Variants in SLCO6A1 observed in about 807,000 individuals in gnomAD.
SLCO6A1 encodes the protein solute carrier organic anion transporter family member 6A1.
A neutral mutation model predicts 72.7 loss-of-function variants in SLCO6A1; 65 were observed. That is an observed-to-expected ratio of 0.89 (90% CI 0.73 to 1.10). The LOEUF is 1.10. SLCO6A1 is among the 50% of genes least tolerant of loss of function. SLCO6A1 has a pLI of 0.00. For missense variants in SLCO6A1, 874 were observed against 872.6 expected (o/e 1.00, Z -0.02); for synonymous variants, 314 against 298.2 (o/e 1.05, Z -0.55).
intron 1 of SLCO6A1, among the ~76,000 whole-genome samples, chr5:102,495,205 A>G (rs1181148250): frequency 1.3e-5 from 2 of 152,238 alleles, no homozygotes; most frequent in East Asian, 3.8e-4. Context: ...CTAATGACAG[A>G]AAGTAGGTCA....
rs187762433 is a variant in SLCO6A1, at chr5:102,413,517, G to A, written c.1473-374C>T. 2.1e-3 allele frequency among the ~76,000 whole-genome samples: 316 copies of A among 152,092 alleles called. 3 individuals carry two copies. The highest frequency in any genetic ancestry group is 7.2e-3 in the African/African-American group (300 of 41,496). ...CTATTCACTTGTTTGAATTTCCTAA[G>A]TGTTTATGAAATAGAATCATAGAAT... is the stretch of plus-strand genomic sequence containing the variant. On this transcript the variant is annotated intron_variant, in intron 8 of 13. Transcript: ENST00000506729.
intron 9 of SLCO6A1, among the ~76,000 whole-genome samples, chr5:102,407,601 A>G (rs1747741371): frequency 6.6e-6 from 1 of 152,204 alleles, no homozygotes; most frequent in Non-Finnish European, 1.5e-5. Flanking sequence ...GCTATCTTGG[A>G]TAAACCTCAT....
intron 7 of SLCO6A1, among the ~76,000 whole-genome samples, chr5:102,427,817 AC>A (rs1353777114): frequency 1.4e-5 from 2 of 146,468 alleles, no homozygotes; most frequent in Non-Finnish European, 3.0e-5. Context: ...GTATGTGGAA[AC>A]CCCCTCTCTC....
chr5:102,389,861 C>A (rs1174542998), intron 11 of SLCO6A1, among the ~76,000 whole-genome samples: 1 of 146,318 alleles, frequency 6.8e-6, no homozygotes, highest in Admixed American at 6.8e-5. Flanking sequence ...TGTATTTTTT[C>A]TTCTATCAGC....
intron 10 of SLCO6A1, among the ~76,000 whole-genome samples, chr5:102,393,257 A>G: frequency 6.6e-6 from 1 of 152,174 alleles, no homozygotes; most frequent in Non-Finnish European, 1.5e-5. Context: ...GGATCCTTCA[A>G]TGGCTTCCCA....
At chr5:102,493,674 G>A (rs1381804559) in intron 1 of SLCO6A1, among the ~76,000 whole-genome samples, 1 of 152,132 alleles carries the variant, frequency 6.6e-6, no homozygotes, top group East Asian at 1.9e-4. Flanking sequence ...GTAACAAAAA[G>A]CATCCAGATT....
At chr5:102,411,572 T>C (rs1235949914) in intron 9 of SLCO6A1, among the ~76,000 whole-genome samples, 1 of 150,582 alleles carries the variant, frequency 6.6e-6, no homozygotes, top group Non-Finnish European at 1.5e-5. Context: ...GCCCCATAGA[T>C]GTGTTATTGA....
intron 1 of SLCO6A1, among the ~76,000 whole-genome samples, chr5:102,481,427 A>G (rs1333471432): frequency 6.6e-6 from 1 of 152,128 alleles, no homozygotes; most frequent in African/African-American, 2.4e-5. Flanking sequence ...CCAGAAACAG[A>G]AAGGAAAAGA....
intron 6 of SLCO6A1, among the ~76,000 whole-genome samples, chr5:102,448,742 T>A (rs189133356): frequency 1.8e-3 from 277 of 152,340 alleles, no homozygotes; most frequent in Non-Finnish European, 3.1e-3. Flanking sequence ...TCCATCCTTT[T>A]ACTTTAAGCC....
intron 1 of SLCO6A1, among the ~76,000 whole-genome samples, chr5:102,493,410 A>G (rs1261574185): frequency 6.6e-6 from 1 of 152,212 alleles, no homozygotes; most frequent in African/African-American, 2.4e-5. Flanking sequence ...GAACATCTCA[A>G]TAGAGGCAGG....
chr5:102,441,290 T>C (rs1032507455), intron 6 of SLCO6A1, among the ~76,000 whole-genome samples: 1 of 152,218 alleles, frequency 6.6e-6, no homozygotes, highest in Non-Finnish European at 1.5e-5. Flanking sequence ...AAATCCATGG[T>C]CATTTTTCAC....
At chr5:102,434,623 T>A (rs544453184) in intron 7 of SLCO6A1, among the ~76,000 whole-genome samples, 8 of 152,254 alleles carry the variant, frequency 5.3e-5, no homozygotes, top group African/African-American at 1.9e-4. Flanking sequence ...CCATTACAGA[T>A]CTGAGCACTC....
At chr5:102,472,285 T>C (rs1751668353) in intron 4 of SLCO6A1, among the ~76,000 whole-genome samples, 1 of 152,128 alleles carries the variant, frequency 6.6e-6, no homozygotes, top group African/African-American at 2.4e-5. Flanking sequence ...TACCAAAACG[T>C]TATACTAGCT....
intron 7 of SLCO6A1, among the ~76,000 whole-genome samples, chr5:102,436,113 A>G (rs1749521309): frequency 6.6e-6 from 1 of 152,192 alleles, no homozygotes; most frequent in South Asian, 2.1e-4. Flanking sequence ...TAAAAACCAC[A>G]AATATACCTT....
chr5:102,431,014 C>G (rs1749187439), intron 7 of SLCO6A1, among the ~76,000 whole-genome samples: 1 of 151,906 alleles, frequency 6.6e-6, no homozygotes, highest in African/African-American at 2.4e-5. Flanking sequence ...CTTCCTAGAT[C>G]AGTCTTGAGA....
At chr5:102,412,778 CA>C (rs11321222) in intron 9 of SLCO6A1, among the ~76,000 whole-genome samples, 4,039 of 115,054 alleles carry the variant, frequency 0.035, 118 homozygotes, top group African/African-American at 0.1. Context: ...AAACACACAC[CA>C]AAAAAAAAAA....
intron 8 of SLCO6A1, among the ~76,000 whole-genome samples, chr5:102,418,776 T>C: frequency 6.6e-6 from 1 of 152,096 alleles, no homozygotes; most frequent in East Asian, 1.9e-4. Flanking sequence ...CCCAGCACAC[T>C]CTAAACTCTA....
At chr5:102,462,332 A>G (rs1561482425) in intron 4 of SLCO6A1, among the ~76,000 whole-genome samples, 1 of 152,184 alleles carries the variant, frequency 6.6e-6, no homozygotes, top group Middle Eastern at 3.2e-3. Context: ...TATTGATTCA[A>G]TGCAATTTCC....
chr5:102,447,200 C>A (rs1750161199), intron 6 of SLCO6A1, among the ~76,000 whole-genome samples: 1 of 152,176 alleles, frequency 6.6e-6, no homozygotes, highest in South Asian at 2.1e-4. Flanking sequence ...AACCTTGCAT[C>A]CCAGAAATAA....
Sources: gnomAD v4.1 joint callset for allele counts (sites outside exome capture counted in the v4.1 genomes callset) on GRCh38, gnomAD v4.1.1 for gene constraint, MANE v1.5 for transcripts, NCBI Gene and HGNC (gene_info 2026-07-23, HGNC 2026-07-21) for gene names.